The following CADM2 variants were observed in gnomAD, a reference collection of about 807,000 sequenced individuals.
The protein encoded by CADM2 is cell adhesion molecule 2.
CADM2 carries 12 observed loss-of-function variants against 49.8 expected under a neutral mutation model. The observed-to-expected ratio is 0.24, with a 90% CI of 0.15 to 0.39. CADM2 has a LOEUF of 0.39. Among genes scored for constraint, CADM2 ranks in the 10% least tolerant of loss-of-function variants. The pLI, the probability that CADM2 is intolerant of heterozygous loss-of-function variation, is 1.00. For synonymous variants in CADM2, 214 were observed against 175.4 expected, an observed-to-expected ratio of 1.22 and a Z score of -1.74; for missense variants, 378 against 492.3, an observed-to-expected ratio of 0.77 and a Z score of 2.20.
intron 1 of CADM2, among the ~76,000 whole-genome samples, chr3:84,961,648 G>A (rs558644683): frequency 1.1e-4 from 16 of 152,148 alleles, no homozygotes; most frequent in Non-Finnish European, 1.8e-4. Flanking sequence ...GCGCGCGCGC[G>A]CGCCGGCGTG....
At chr3:85,058,735 G>A (rs181630579) in intron 1 of CADM2, among the ~76,000 whole-genome samples, 28 of 152,080 alleles carry the variant, frequency 1.8e-4, no homozygotes, top group African/African-American at 4.8e-4. Flanking sequence ...ATGAGCCACC[G>A]CGCCCAGCTA....
chr3:85,719,891 C>A (rs2067436417), intron 1 of CADM2, among the ~76,000 whole-genome samples: 1 of 150,610 alleles, frequency 6.6e-6, no homozygotes, highest in African/African-American at 2.4e-5. Flanking sequence ...TTGTACATCC[C>A]AAAATTATTA....
chr3:85,728,125 C>A (rs943562966), intron 2 of CADM2, among the ~76,000 whole-genome samples: 1 of 152,024 alleles, frequency 6.6e-6, no homozygotes, highest in African/African-American at 2.4e-5. Context: ...TATGGAAAAG[C>A]CATTTCATCA....
At chr3:86,012,838 G>GTT in intron 8 of CADM2, 1 of 532,948 alleles carries the variant, frequency 1.9e-6, no homozygotes, top group East Asian at 3.5e-5. Context: ...AGCCGGGAGC[G>GTT]GTGGCGGGCG....
intron 8 of CADM2, among the ~76,000 whole-genome samples, chr3:86,004,992 C>T (rs574653274): frequency 2.0e-5 from 3 of 152,254 alleles, no homozygotes; most frequent in South Asian, 4.1e-4. Flanking sequence ...CATGCTGGAA[C>T]GTTCTTTTCC....
chr3:85,126,363 T>C lies in CADM2; in HGVS notation c.61+166695T>C, dbSNP rs1193950508. On this transcript the variant is annotated intron_variant, in intron 1 of 9. Transcript: ENST00000383699. ...AACTCACATACATATGGGTGGAGTC[T>C]GAAAGAAAGGAAAATAAAGAAACAA... Among the ~76,000 whole-genome samples, 3 of 152,072 alleles carry C rather than the reference T, an allele frequency of 2.0e-5. No homozygotes were observed. The East Asian group carries it at 5.8e-4, about 29-fold the overall frequency.
chr3:85,517,623 A>G (rs762747559), intron 1 of CADM2, among the ~76,000 whole-genome samples: 7 of 152,114 alleles, frequency 4.6e-5, no homozygotes, highest in Non-Finnish European at 7.4e-5. Context: ...GTTAGATTTT[A>G]TTTTGTTCTT....
At chr3:85,716,402 T>G (rs1361668408) in intron 1 of CADM2, among the ~76,000 whole-genome samples, 1 of 152,232 alleles carries the variant, frequency 6.6e-6, no homozygotes, top group African/African-American at 2.4e-5. Flanking sequence ...TTCTAGATAT[T>G]AGACCTTTGT....
intron 1 of CADM2, among the ~76,000 whole-genome samples, chr3:85,052,312 A>G (rs1211152822): frequency 1.3e-5 from 2 of 152,164 alleles, no homozygotes; most frequent in African/African-American, 4.8e-5. Context: ...AACATGTCCA[A>G]CCCTCTCTCT....
At chr3:85,936,824 A>G (rs929398095) in intron 7 of CADM2, among the ~76,000 whole-genome samples, 1 of 151,804 alleles carries the variant, frequency 6.6e-6, no homozygotes, top group Non-Finnish European at 1.5e-5. Flanking sequence ...ATTTTTTACC[A>G]TATTAATAAA....
At chr3:85,073,278 T>G (rs2036824325) in intron 1 of CADM2, among the ~76,000 whole-genome samples, 1 of 152,122 alleles carries the variant, frequency 6.6e-6, no homozygotes, top group African/African-American at 2.4e-5. Flanking sequence ...ATATACAGAC[T>G]TTACGTGATC....
At chr3:85,614,808 A>G (rs1161596295) in intron 1 of CADM2, among the ~76,000 whole-genome samples, 1 of 151,962 alleles carries the variant, frequency 6.6e-6, no homozygotes, top group Non-Finnish European at 1.5e-5. Flanking sequence ...GTGGATTTGT[A>G]GCTACATTGC....
rs59038758 is a variant in CADM2 at position 85,995,014 on chromosome 3, T to TAAAAAAAAAAAAAAAA, written c.970+33372_970+33387dup. Among the ~76,000 whole-genome samples the TAAAAAAAAAAAAAAAA allele has an allele frequency of 1.4e-3, 113 of 82,958 alleles. 1 individual carries two copies. Among genetic ancestry groups the TAAAAAAAAAAAAAAAA allele is most frequent in the East Asian group, 2.2e-3 (5 of 2,302 alleles). 54.4% of individuals were successfully genotyped at this position (82,958 alleles called of 152,430 possible). A position where few individuals can be genotyped will look rare whatever the true frequency, so the allele number is the denominator to read the frequency against. ...GGGTTGCCACAAATCTTCGATTTGT[T>TAAAAAAAAAAAAAAAA]AAAAAAAAAAAAAAAAAAAATCATT... On this transcript the variant is annotated intron_variant, in intron 8 of 9. Coordinates refer to ENST00000383699, the MANE Select transcript of CADM2 (RefSeq NM_001167675.2).
intron 1 of CADM2, among the ~76,000 whole-genome samples, chr3:85,348,336 T>C (rs1468136962): frequency 6.6e-6 from 1 of 152,162 alleles, no homozygotes; most frequent in Non-Finnish European, 1.5e-5. Context: ...TCTTCAACAG[T>C]CTAGCAGCTT....
intron 1 of CADM2, among the ~76,000 whole-genome samples, chr3:84,975,980 C>A (rs1025285385): frequency 1.3e-5 from 2 of 151,812 alleles, no homozygotes; most frequent in African/African-American, 4.8e-5. Context: ...AGGATGCCTT[C>A]ATTTTCTATT....
intron 1 of CADM2, among the ~76,000 whole-genome samples, chr3:85,429,155 T>C (rs2036555214): frequency 6.6e-6 from 1 of 152,100 alleles, no homozygotes. Context: ...TATATGCTAT[T>C]AGAAGAATGG....
At chr3:85,027,175 C>A (rs1442944846) in intron 1 of CADM2, among the ~76,000 whole-genome samples, 1 of 118,010 alleles carries the variant, frequency 8.5e-6, no homozygotes, top group East Asian at 2.6e-4. Context: ...AGTGTAGTGG[C>A]GTGATCTCGA....
chr3:85,220,557 G>T (rs2042022099), intron 1 of CADM2, among the ~76,000 whole-genome samples: 1 of 152,040 alleles, frequency 6.6e-6, no homozygotes. Flanking sequence ...TTTGTAATCT[G>T]GTGATAACAG....
intron 2 of CADM2, chr3:85,800,024 G>A (rs911019632): frequency 5.3e-5 from 8 of 152,292 alleles, no homozygotes; most frequent in Non-Finnish European, 1.2e-4. Flanking sequence ...CAGGAAGATG[G>A]AAGTTTCATC....
Sources: allele counts gnomAD v4.1 joint callset (sites outside exome capture counted in the v4.1 genomes callset), GRCh38; gene constraint gnomAD v4.1.1; transcripts MANE v1.5; gene names NCBI Gene and HGNC (gene_info 2026-07-23, HGNC 2026-07-21).